Variants in FMN1 observed in about 807,000 individuals in gnomAD.
FMN1 encodes the protein formin 1, also known as formin-1.
A neutral mutation model predicts 132.4 loss-of-function variants in FMN1; 110 were observed. The observed-to-expected ratio is 0.83, with a 90% CI of 0.71 to 0.97. The LOEUF (loss-of-function observed/expected upper bound fraction) is 0.97. Ranked by LOEUF, FMN1 falls within the 50% of genes least tolerant of loss-of-function variation. FMN1 has a pLI of 0.00. For synonymous variants in FMN1, 722 were observed against 651.7 expected, an observed-to-expected ratio of 1.11 and a Z score of -1.64; for missense variants, 1,792 against 1,705.3, an observed-to-expected ratio of 1.05 and a Z score of -0.90.
chr15:33,162,562 G>A (rs1035463393), intron 3 of FMN1, among the ~76,000 whole-genome samples: 1 of 152,154 alleles, frequency 6.6e-6, no homozygotes, highest in African/African-American at 2.4e-5. Flanking sequence ...ACTTCCAAGA[G>A]GAAGAAACGT....
chr15:32,913,839 G>T (rs1313957484), intron 10 of FMN1, among the ~76,000 whole-genome samples: 1 of 152,100 alleles, frequency 6.6e-6, no homozygotes, highest in African/African-American at 2.4e-5. Flanking sequence ...ATGTTTGTGG[G>T]TATAATTATA....
At position 33,088,967 on chromosome 15, in the gene FMN1, G is replaced by C. The variant is rs1268122838; in HGVS notation, c.1875C>G (p.Ser625=). 6.5e-7 allele frequency: 1 copy of C among 1,533,260 alleles called. No individual in the cohort carries two copies. The highest frequency in any genetic ancestry group is 8.7e-7 in the Non-Finnish European group (1 of 1,146,124). The allele number at this position is 1,533,260 out of a possible 1,614,324, so 95.0% of individuals were successfully genotyped here. A position where few individuals can be genotyped will look rare whatever the true frequency, so the allele number is the denominator to read the frequency against. The change falls in exon 5 of 21, where the codon TCC becomes TCG. Residue 625 remains serine (S), a synonymous_variant. Transcript: ENST00000616417. ...AGCCGTCCCAGGGAAAGCCCTCAGAGGAGATACCTAAACAAACACAGAGAA... is the reference window on the plus strand; with the variant it reads ...AGCCGTCCCAGGGAAAGCCCTCAGACGAGATACCTAAACAAACACAGAGAA... ...EPQHQSPPGI[S]SEGFPWDGFN...
At chr15:32,976,457 CTTAG>C (rs1313431620) in intron 7 of FMN1, among the ~76,000 whole-genome samples, 2 of 152,166 alleles carry the variant, frequency 1.3e-5, no homozygotes, top group African/African-American at 4.8e-5. Flanking sequence ...TCAATAATCC[CTTAG>C]TTAATTGGCT....
chr15:33,080,777 C>T (rs552640896), intron 5 of FMN1, among the ~76,000 whole-genome samples: 1 of 152,068 alleles, frequency 6.6e-6, no homozygotes, highest in Non-Finnish European at 1.5e-5. Flanking sequence ...ATCCCAGCTA[C>T]TCGGGAAGCT....
chr15:33,165,669 G>A (rs1965078234), intron 3 of FMN1, among the ~76,000 whole-genome samples: 1 of 152,188 alleles, frequency 6.6e-6, no homozygotes, highest in South Asian at 2.1e-4. Context: ...GGGATTACAG[G>A]TGTGAGCCAC....
intron 16 of FMN1, among the ~76,000 whole-genome samples, chr15:32,880,925 T>G (rs1222346629): frequency 6.6e-6 from 1 of 152,182 alleles, no homozygotes; most frequent in Non-Finnish European, 1.5e-5. Context: ...CCCATATTAG[T>G]CAAATATCAC....
intron 4 of FMN1, among the ~76,000 whole-genome samples, chr15:33,110,651 T>C (rs1024354394): frequency 2.6e-5 from 4 of 151,568 alleles, no homozygotes; most frequent in African/African-American, 9.7e-5. Context: ...TTTTTCTTTT[T>C]AATATTTGAT....
intron 6 of FMN1, among the ~76,000 whole-genome samples, chr15:33,051,405 T>C (rs972781762): frequency 6.6e-6 from 1 of 152,096 alleles, no homozygotes; most frequent in Non-Finnish European, 1.5e-5. Context: ...TTACAGTAGG[T>C]AGCTAGTCAG....
intron 6 of FMN1, among the ~76,000 whole-genome samples, chr15:33,058,097 T>C (rs2037316887): frequency 3.3e-5 from 5 of 151,050 alleles, no homozygotes; most frequent in Admixed American, 6.6e-5. Flanking sequence ...GGGGTGCTGG[T>C]GGAAAGGTGC....
chr15:33,019,289 G>A (rs2035278482), intron 6 of FMN1, among the ~76,000 whole-genome samples: 1 of 151,936 alleles, frequency 6.6e-6, no homozygotes, highest in Non-Finnish European at 1.5e-5. Context: ...ACCCTGAGCG[G>A]GACACAGAGT....
In FMN1 at chr15:32,836,064, T is replaced by C. The variant is rs543304579; in HGVS notation, c.3928+20951A>G. 1.1e-4 allele frequency among the ~76,000 whole-genome samples: 16 copies of C among 152,212 alleles called. No individual in the cohort carries two copies. The South Asian group carries it at 3.3e-3, about 32-fold the overall frequency. ...TTTTGTAGGATGTGGCCTCCCTATG[T>C]TGCCCAGGCTCGTCTTGAACTCCTG... is the stretch of plus-strand genomic sequence containing the variant. On this transcript the variant is annotated intron_variant, in intron 17 of 20. Coordinates refer to ENST00000616417, the MANE Select transcript of FMN1 (RefSeq NM_001277313.2).
intron 4 of FMN1, among the ~76,000 whole-genome samples, chr15:33,097,944 G>A (rs539403004): frequency 1.4e-4 from 22 of 152,232 alleles, no homozygotes; most frequent in Non-Finnish European, 3.1e-4. Flanking sequence ...AGTAACTGTA[G>A]AATATGTATT....
chr15:33,176,090 GC>G (rs986912686), intron 3 of FMN1, among the ~76,000 whole-genome samples: 2 of 152,078 alleles, frequency 1.3e-5, no homozygotes, highest in African/African-American at 4.8e-5. Flanking sequence ...CATTCCTGAG[GC>G]CCCCTAGGTG....
intron 6 of FMN1, among the ~76,000 whole-genome samples, chr15:33,025,996 A>G (rs946742704): frequency 2.0e-5 from 3 of 152,304 alleles, no homozygotes; most frequent in African/African-American, 7.2e-5. Context: ...AAAAGAAGAG[A>G]TAAAACTGGT....
At chr15:33,086,827 A>G (rs2038715203) in intron 5 of FMN1, among the ~76,000 whole-genome samples, 1 of 152,210 alleles carries the variant, frequency 6.6e-6, no homozygotes, top group Admixed American at 6.5e-5. Context: ...TTCATTTCTA[A>G]ACCTCCTTTT....
chr15:33,141,530 G>A (rs1341972368), intron 4 of FMN1, among the ~76,000 whole-genome samples: 2 of 152,166 alleles, frequency 1.3e-5, no homozygotes, highest in Admixed American at 1.3e-4. Flanking sequence ...GTGCTCTTTG[G>A]AGCAATACCT....
chr15:33,134,815 A>C (rs1197082449), intron 4 of FMN1, among the ~76,000 whole-genome samples: 1 of 152,236 alleles, frequency 6.6e-6, no homozygotes, highest in Non-Finnish European at 1.5e-5. Context: ...CAGCCTGGCG[A>C]ACATGGCAAA....
chr15:32,980,942 A>G (rs2140766476), intron 7 of FMN1, among the ~76,000 whole-genome samples: 1 of 152,128 alleles, frequency 6.6e-6, no homozygotes, highest in East Asian at 1.9e-4. Flanking sequence ...TGAACCCGGG[A>G]AGCGGAGGTT....
At chr15:32,999,349 T>A (rs936406143) in intron 7 of FMN1, among the ~76,000 whole-genome samples, 7 of 152,250 alleles carry the variant, frequency 4.6e-5, no homozygotes, top group African/African-American at 1.7e-4. Context: ...AAATAGAGTC[T>A]GCACTCAATT....
Sources: gnomAD v4.1 joint callset for allele counts (sites outside exome capture counted in the v4.1 genomes callset) on GRCh38, gnomAD v4.1.1 for gene constraint, MANE v1.5 for transcripts, NCBI Gene and HGNC (gene_info 2026-07-23, HGNC 2026-07-21) for gene names.